RNF8: variants seen among roughly 807,000 people sequenced by gnomAD.
RNF8 encodes E3 ubiquitin-protein ligase RNF8.
A neutral mutation model predicts 59.3 loss-of-function variants in RNF8; 8 were observed. The observed-to-expected ratio is 0.13, with a 90% CI of 0.08 to 0.24. RNF8 has a LOEUF of 0.24. Ranked by LOEUF, RNF8 falls within the 10% of genes least tolerant of loss-of-function variation. The probability of loss-of-function intolerance (pLI) is 1.00; values close to 1 mark genes in which losing one functional copy is unlikely to be tolerated. For missense variants in RNF8, 406 were observed against 572.6 expected, an observed-to-expected ratio of 0.71 and a Z score of 2.97; for synonymous variants, 162 against 200.0, an observed-to-expected ratio of 0.81 and a Z score of 1.60.
At position 37,374,659 on chromosome 6, in the gene RNF8, G is replaced by T. The variant is rs768057007; in HGVS notation, c.1078G>T (p.Asp360Tyr). The T allele has an allele frequency of 6.2e-7, 1 of 1,614,104 alleles. No homozygotes were observed. ...LMEELNRSKK[D>Y]FEAIIQAKNK... is the part of the protein sequence containing the mutation. ...GGAAGAGCTAAATCGCAGCAAGAAG[G>T]ACTTTGAAGCAATCATTCAAGCCAA... Residue 360 changes from aspartate (D) to tyrosine (Y), a missense_variant, in exon 5 of 8, where the codon GAC becomes TAC. Transcript: ENST00000373479.
chr6:37,361,490 A>C (rs1263312720), intron 2 of RNF8: 1 of 369,600 alleles, frequency 2.7e-6, no homozygotes, highest in African/African-American at 2.1e-5. Context: ...CGCTATCAAA[A>C]AGAAAAGAAG....
rs756865544 is a variant in RNF8, at chr6:37,394,465, G to C, written c.*3707G>C. Reference sequence around the variant, plus strand: ...TAGGAAAGGGCTCAGCCTGTGATAGGCATTCAATAAATACTCCAATGCTGT... The same window carrying C: ...TAGGAAAGGGCTCAGCCTGTGATAGCCATTCAATAAATACTCCAATGCTGT... On this transcript the variant is annotated 3_prime_UTR_variant, in exon 8 of 8. Coordinates refer to ENST00000373479, the MANE Select transcript of RNF8 (RefSeq NM_003958.4). 1 of 152,154 alleles carries C rather than the reference G, an allele frequency of 6.6e-6. No individual in the cohort carries two copies. The highest frequency in any genetic ancestry group is 2.4e-5 in the African/African-American group (1 of 41,430). The allele number at this position is 152,154 out of a possible 1,614,324, so 9.4% of individuals were successfully genotyped here.
intron 4 of RNF8, among the ~76,000 whole-genome samples, chr6:37,372,628 C>CT (rs774054190): frequency 2.0e-5 from 3 of 152,172 alleles, no homozygotes. Context: ...GGAAAACACT[C>CT]TATCATTTTG....
intron 1 of RNF8, among the ~76,000 whole-genome samples, chr6:37,355,223 G>A (rs1241064986): frequency 6.6e-6 from 1 of 152,222 alleles, no homozygotes; most frequent in East Asian, 1.9e-4. Context: ...CTGGGTCAGG[G>A]ACAAGCTTGT....
intron 1 of RNF8, among the ~76,000 whole-genome samples, chr6:37,357,516 A>G (rs1769167214): frequency 6.6e-6 from 1 of 152,230 alleles, no homozygotes; most frequent in African/African-American, 2.4e-5. Flanking sequence ...CCTCTCTTAG[A>G]GATAAAGCTA....
At chr6:37,375,894 G>A (rs1769994320) in intron 5 of RNF8, among the ~76,000 whole-genome samples, 1 of 152,188 alleles carries the variant, frequency 6.6e-6, no homozygotes. Context: ...GAGAGCATAC[G>A]TAGGAGCCTC....
intron 2 of RNF8, among the ~76,000 whole-genome samples, chr6:37,362,412 T>C (rs1033766617): frequency 1.3e-5 from 2 of 152,248 alleles, no homozygotes; most frequent in African/African-American, 4.8e-5. Flanking sequence ...GTTGCTGTTA[T>C]CATATGATTC....
Position 37,384,062 on chromosome 6 carries a change from G to A in RNF8, c.1441+2708G>A, listed in dbSNP as rs370589888. Among the ~76,000 whole-genome samples, 5 of 151,138 alleles carry A rather than the reference G, an allele frequency of 3.3e-5. No homozygotes were observed. In the South Asian group the frequency reaches 6.3e-4, roughly 19 times the overall value. On this transcript the variant is annotated intron_variant, in intron 7 of 7. Coordinates refer to ENST00000373479, the MANE Select transcript of RNF8 (RefSeq NM_003958.4). ...AGCAATGTAGAAATAAAATCTCCTTGGTCCTTTAGAACAGTGATTTTCAAC... is the reference window on the plus strand; with the variant it reads ...AGCAATGTAGAAATAAAATCTCCTTAGTCCTTTAGAACAGTGATTTTCAAC...
intron 2 of RNF8, chr6:37,361,172 A>T (rs1206406865): frequency 2.2e-6 from 1 of 446,516 alleles, no homozygotes; most frequent in Admixed American, 2.4e-5. Flanking sequence ...AGCAATTAGA[A>T]AGTACCTAAT....
At chr6:37,373,608 A>G (rs1304713974) in intron 4 of RNF8, among the ~76,000 whole-genome samples, 3 of 152,096 alleles carry the variant, frequency 2.0e-5, no homozygotes, top group African/African-American at 7.2e-5. Flanking sequence ...AGGTTTCACC[A>G]TGTTGCCGAG....
At chr6:37,377,415 G>T (rs575198716) in intron 6 of RNF8, among the ~76,000 whole-genome samples, 5 of 152,022 alleles carry the variant, frequency 3.3e-5, no homozygotes, top group Admixed American at 6.6e-5. Context: ...TGAAGCCTGG[G>T]CTACACAGGC....
At chr6:37,363,475 G>C (rs996140075) in intron 2 of RNF8, among the ~76,000 whole-genome samples, 1 of 152,128 alleles carries the variant, frequency 6.6e-6, no homozygotes, top group African/African-American at 2.4e-5. Context: ...ATGAGCAAGA[G>C]ACAAGCACTT....
In RNF8 at chr6:37,360,427, C is replaced by T. The variant is rs376907718; in HGVS notation, c.112-19C>T. 1.4e-4 allele frequency: 224 copies of T among 1,595,966 alleles called. No individual in the cohort carries two copies. The highest frequency in any genetic ancestry group is 1.8e-4 in the Non-Finnish European group (218 of 1,179,360). On this transcript the variant is annotated intron_variant, in intron 1 of 7. Transcript: ENST00000373479. The surrounding 1 kb of genome is among the most constrained non-coding windows in gnomAD (Gnocchi z 4.2). ...GCACAATGACTGATGGTATTTCTTGCATTGTTGTTGTCTCCCAGGTGACTG... is the reference window on the plus strand; with the variant it reads ...GCACAATGACTGATGGTATTTCTTGTATTGTTGTTGTCTCCCAGGTGACTG...
chr6:37,354,317 G>C lies in RNF8; in HGVS notation c.111+42G>C, dbSNP rs1769026945. ...CCTGTGGAGCGGAGGGCAGGGGCTG[G>C]AGGGAGCGGGGCTCCGGGGAGGGAG... is the stretch of plus-strand genomic sequence containing the variant. On this transcript the variant is annotated intron_variant, in intron 1 of 7. Transcript: ENST00000373479. 7 of 1,459,934 alleles carry C rather than the reference G, an allele frequency of 4.8e-6. No homozygotes were observed. In the Admixed American group the frequency reaches 1.5e-4, roughly 31 times the overall value. 90.4% of individuals were successfully genotyped at this position (1,459,934 alleles called of 1,614,324 possible).
In RNF8 at chr6:37,354,203, C is replaced by A. The variant is rs779231175; in HGVS notation, c.39C>A (p.Ala13=). The stretch of plus-strand genomic sequence containing the variant: ...GCTTCTTCGTCACAGGAGACCGCGC[C>A]GGTGGCCGGAGCTGGTGCCTGCGGC... ...EPGFFVTGDR[A]GGRSWCLRRV... Residue 13 remains alanine (A), a synonymous_variant, in exon 1 of 8, where the codon GCC becomes GCA. Transcript: ENST00000373479. 6.3e-7 allele frequency: 1 copy of A among 1,587,776 alleles called. No homozygotes were observed. Among genetic ancestry groups the A allele is most frequent in the South Asian group, 1.1e-5 (1 of 87,066 alleles).
chr6:37,391,766 CCTCAACCTCCCAA>C lies in RNF8; in HGVS notation c.*1009_*1021del, dbSNP rs1382304284. On this transcript the variant is annotated 3_prime_UTR_variant, in exon 8 of 8. Transcript: ENST00000373479. ...CTCCCAGACTCAAGCCATCCTCCCACCTCAACCTCCCAAGTAGCTGGGACTACAGGCATATGCC... is the reference window on the plus strand; with the variant it reads ...CTCCCAGACTCAAGCCATCCTCCCACGTAGCTGGGACTACAGGCATATGCC... The C allele has an allele frequency of 2.6e-5, 4 of 152,328 alleles. No homozygotes were observed. Among genetic ancestry groups the C allele is most frequent in the Admixed American group, 6.5e-5 (1 of 15,286 alleles). The allele number at this position is 152,328 out of a possible 1,614,324, so 9.4% of individuals were successfully genotyped here. A position where few individuals can be genotyped will look rare whatever the true frequency, so the allele number is the denominator to read the frequency against.
rs192338198 is a variant in RNF8, at chr6:37,390,693, G to C, written c.1442-49G>C. On this transcript the variant is annotated intron_variant, in intron 7 of 7. Transcript: ENST00000373479. ...GGCTGGAAGCAGGGAGTCCACGGAA[G>C]GGAAATACAGGCTCCTCATTTATTT... The C allele has an allele frequency of 5.2e-4, 745 of 1,438,402 alleles. 2 individuals carry two copies. The highest frequency in any genetic ancestry group is 3.7e-3 in the Middle Eastern group (21 of 5,716). 89.1% of individuals were successfully genotyped at this position (1,438,402 alleles called of 1,614,324 possible). A position where few individuals can be genotyped will look rare whatever the true frequency, so the allele number is the denominator to read the frequency against.
intron 2 of RNF8, among the ~76,000 whole-genome samples, chr6:37,366,297 C>T (rs1484562991): frequency 1.3e-5 from 2 of 152,170 alleles, no homozygotes; most frequent in Non-Finnish European, 2.9e-5. Context: ...CTGTGTCTTA[C>T]TACTTTTTCT....
intron 7 of RNF8, among the ~76,000 whole-genome samples, chr6:37,381,695 G>A (rs779994301): frequency 2.0e-5 from 3 of 152,224 alleles, no homozygotes; most frequent in Non-Finnish European, 2.9e-5. Context: ...AGACACTTCA[G>A]TTGCTGTCCA....
Sources: allele counts gnomAD v4.1 joint callset (sites outside exome capture counted in the v4.1 genomes callset), GRCh38; gene constraint gnomAD v4.1.1; non-coding constraint Gnocchi (gnomAD v3.1); transcripts MANE v1.5; gene names NCBI Gene and HGNC (gene_info 2026-07-23, HGNC 2026-07-21).